Variants in DNER observed in about 807,000 individuals in gnomAD.
DNER encodes delta and Notch-like epidermal growth factor-related receptor.
DNER carries 33 observed loss-of-function variants against 78.2 expected under a neutral mutation model. The ratio of observed to expected loss-of-function variants is 0.42; its 90% CI spans 0.32 to 0.56. DNER has a LOEUF of 0.56. DNER is among the 20% of genes least tolerant of loss of function. The probability of loss-of-function intolerance (pLI) is 0.11; values close to 1 mark genes in which losing one functional copy is unlikely to be tolerated. For missense variants in DNER, 918 were observed against 975.3 expected, an observed-to-expected ratio of 0.94 and a Z score of 0.78; for synonymous variants, 417 against 384.8, an observed-to-expected ratio of 1.08 and a Z score of -0.98.
chr2:229,709,293 T>C (rs552369480), intron 1 of DNER, among the ~76,000 whole-genome samples: 8 of 152,290 alleles, frequency 5.3e-5, no homozygotes, highest in African/African-American at 1.4e-4. Context: ...ATCATTTCTA[T>C]AAAGAAAACA....
chr2:229,672,388 A>C, intron 1 of DNER, among the ~76,000 whole-genome samples: 1 of 150,976 alleles, frequency 6.6e-6, no homozygotes, highest in African/African-American at 2.4e-5. Flanking sequence ...GTGCATGGAG[A>C]GAGAGGAGGT....
At chr2:229,518,498 G>C (rs1696026232) in intron 5 of DNER, among the ~76,000 whole-genome samples, 1 of 152,246 alleles carries the variant, frequency 6.6e-6, no homozygotes, top group Non-Finnish European at 1.5e-5. Context: ...GAGACAGAGA[G>C]TGACAGTGGG....
intron 5 of DNER, among the ~76,000 whole-genome samples, chr2:229,529,314 T>G (rs1056343435): frequency 2.0e-5 from 3 of 152,176 alleles, no homozygotes. Flanking sequence ...GAGCGGATAC[T>G]GCAAGTTTCC....
chr2:229,569,725 A>C (rs756540887), intron 4 of DNER, among the ~76,000 whole-genome samples: 2 of 151,964 alleles, frequency 1.3e-5, no homozygotes, highest in Non-Finnish European at 2.9e-5. Flanking sequence ...TTACATTATT[A>C]TTGTTTATTT....
chr2:229,670,306 C>T (rs577071769), intron 1 of DNER, among the ~76,000 whole-genome samples: 7 of 152,332 alleles, frequency 4.6e-5, no homozygotes, highest in East Asian at 1.9e-4. Context: ...CCGAGGCAAA[C>T]GAGTCCCTGC....
intron 10 of DNER, among the ~76,000 whole-genome samples, chr2:229,406,000 G>A (rs192771232): frequency 3.3e-5 from 5 of 152,284 alleles, no homozygotes; most frequent in Admixed American, 2.0e-4. Flanking sequence ...TTTTTGGAGT[G>A]AGCCCACTTC....
intron 5 of DNER, among the ~76,000 whole-genome samples, chr2:229,529,242 A>T (rs190375634): frequency 1.3e-5 from 2 of 152,164 alleles, no homozygotes. Context: ...AGAAATCCTA[A>T]CAATAGAGGA....
chr2:229,709,048 ACATAATT>A (rs1699870884), intron 1 of DNER, among the ~76,000 whole-genome samples: 1 of 152,240 alleles, frequency 6.6e-6, no homozygotes, highest in African/African-American at 2.4e-5. Context: ...ACATGTCATA[ACATAATT>A]CATCCTAGTA....
intron 10 of DNER, among the ~76,000 whole-genome samples, chr2:229,406,329 A>G (rs539982394): frequency 6.0e-4 from 91 of 152,296 alleles, no homozygotes; most frequent in African/African-American, 2.0e-3. Flanking sequence ...TTTGCAATCC[A>G]GAGTGACCCT....
intron 6 of DNER, among the ~76,000 whole-genome samples, chr2:229,509,799 G>A (rs1695826907): frequency 6.6e-6 from 1 of 152,108 alleles, no homozygotes; most frequent in African/African-American, 2.4e-5. Flanking sequence ...CAGGCAACAA[G>A]AGCAAGACTC....
intron 12 of DNER, among the ~76,000 whole-genome samples, chr2:229,365,444 G>A (rs149410937): frequency 1.8e-4 from 27 of 152,076 alleles, no homozygotes; most frequent in Non-Finnish European, 3.4e-4. Context: ...AGGGATTTTT[G>A]TTTTTGTTTT....
At chr2:229,404,533 A>G (rs895814722) in intron 10 of DNER, among the ~76,000 whole-genome samples, 2 of 152,194 alleles carry the variant, frequency 1.3e-5, no homozygotes, top group African/African-American at 4.8e-5. Context: ...CCAATTCAAG[A>G]TGAGATTTGG....
At chr2:229,490,516 T>A (rs893355750) in intron 6 of DNER, among the ~76,000 whole-genome samples, 2 of 152,058 alleles carry the variant, frequency 1.3e-5, no homozygotes, top group Non-Finnish European at 2.9e-5. Context: ...CTCTAAAATG[T>A]CCAGAATAAA....
At chr2:229,403,632 T>A (rs1053939483) in intron 10 of DNER, among the ~76,000 whole-genome samples, 1 of 152,114 alleles carries the variant, frequency 6.6e-6, no homozygotes, top group Non-Finnish European at 1.5e-5. Flanking sequence ...AAAAAGCAGT[T>A]AGAGTGATGT....
chr2:229,668,530 GTGTGTGTA>G (rs1218033633), intron 1 of DNER, among the ~76,000 whole-genome samples: 141 of 5,454 alleles, frequency 0.026, no homozygotes, highest in African/African-American at 0.044. Flanking sequence ...GTGTGTGTGT[GTGTGTGTA>G]TATATATATA....
chr2:229,535,921 G>A (rs1184617189), intron 5 of DNER, among the ~76,000 whole-genome samples: 2 of 152,186 alleles, frequency 1.3e-5, no homozygotes, highest in African/African-American at 4.8e-5. Context: ...TGGGATTACA[G>A]GCGTGAGCCA....
At chr2:229,512,262 A>G (rs1449246844) in intron 6 of DNER, among the ~76,000 whole-genome samples, 3 of 151,996 alleles carry the variant, frequency 2.0e-5, no homozygotes, top group African/African-American at 7.2e-5. Context: ...GCATGCCTGT[A>G]ATCCCAGCTA....
rs575091484 is a variant in DNER at position 229,630,479 on chromosome 2, A to AAATTAAT, written c.277-38592_277-38591insATTAATT. On this transcript the variant is annotated intron_variant, in intron 1 of 12. Coordinates refer to ENST00000341772, the MANE Select transcript of DNER (RefSeq NM_139072.4). Reference sequence around the variant, plus strand: ...CGACAGAGTGAGAGACTCCATCTCAAAATAATAATAATAATAATAATAATA... The same window carrying AAATTAAT: ...CGACAGAGTGAGAGACTCCATCTCAAAATTAATAATAATAATAATAATAATAATAATA... Among the ~76,000 whole-genome samples, 950 of 139,050 alleles carry AAATTAAT rather than the reference A, an allele frequency of 6.8e-3. 12 individuals carry two copies. Among genetic ancestry groups the AAATTAAT allele is most frequent in the African/African-American group, 0.025 (926 of 37,460 alleles). The allele number at this position is 139,050 out of a possible 152,430, so 91.2% of individuals were successfully genotyped here.
intron 4 of DNER, among the ~76,000 whole-genome samples, chr2:229,568,957 A>T (rs112096814): frequency 6.6e-6 from 1 of 152,054 alleles, no homozygotes; most frequent in Non-Finnish European, 1.5e-5. Flanking sequence ...ATCTCTGTAT[A>T]TGTGTGCTTA....
Sources: allele counts gnomAD v4.1 joint callset (sites outside exome capture counted in the v4.1 genomes callset), GRCh38; gene constraint gnomAD v4.1.1; transcripts MANE v1.5; gene names NCBI Gene and HGNC (gene_info 2026-07-23, HGNC 2026-07-21).